Variants in DCLK2 observed in about 807,000 individuals in gnomAD.
DCLK2 encodes the protein doublecortin like kinase 2, also known as serine/threonine-protein kinase DCLK2.
DCLK2 carries 31 observed loss-of-function variants against 78.4 expected under a neutral mutation model. The observed-to-expected ratio is 0.40, with a 90% confidence interval of 0.30 to 0.53. The LOEUF (loss-of-function observed/expected upper bound fraction) is 0.53, where lower values mean the gene tolerates loss of function less well. Among genes scored for constraint, DCLK2 ranks in the 20% least tolerant of loss-of-function variants. The pLI is 0.61. For missense variants in DCLK2, 872 were observed against 973.7 expected (o/e 0.90, Z 1.39); for synonymous variants, 407 against 374.9 (o/e 1.09, Z -0.99).
chr4:150,212,402 A>T (rs1255336177), intron 5 of DCLK2, among the ~76,000 whole-genome samples: 1 of 152,212 alleles, frequency 6.6e-6, no homozygotes, highest in African/African-American at 2.4e-5. Context: ...GTAAATCCAC[A>T]GTAGCTGCTG....
In DCLK2 at chr4:150,111,982, C is replaced by CT. The variant is rs562915515; in HGVS notation, c.756+9176dup. On this transcript the variant is annotated intron_variant, in intron 2 of 15. Coordinates refer to ENST00000296550, the MANE Select transcript of DCLK2 (RefSeq NM_001040260.4). ...TTGGTTCCGTATGAATTTTAGGATT[C>CT]TTTTTTCTAATTCTGTGAAAAAATG... is the stretch of plus-strand genomic sequence containing the variant. Among the ~76,000 whole-genome samples the CT allele has an allele frequency of 6.1e-3, 932 of 152,030 alleles. 4 individuals carry two copies. Among genetic ancestry groups the CT allele is most frequent in the Non-Finnish European group, 9.9e-3 (672 of 67,944 alleles).
intron 12 of DCLK2, among the ~76,000 whole-genome samples, chr4:150,241,650 TAC>T (rs1420266413): frequency 6.6e-6 from 1 of 152,216 alleles, no homozygotes; most frequent in African/African-American, 2.4e-5. Flanking sequence ...AAATATCATA[TAC>T]AGTGTGGCTT....
intron 10 of DCLK2, among the ~76,000 whole-genome samples, chr4:150,236,717 G>C (rs559712448): frequency 6.6e-6 from 1 of 152,300 alleles, no homozygotes; most frequent in South Asian, 2.1e-4. Context: ...CTCTCACTAA[G>C]ATTTGAAATG....
At chr4:150,187,176 T>G (rs1275364951) in intron 2 of DCLK2, among the ~76,000 whole-genome samples, 1 of 152,162 alleles carries the variant, frequency 6.6e-6, no homozygotes, top group African/African-American at 2.4e-5. Context: ...TTATTTATTT[T>G]TGATTTTTGA....
At chr4:150,123,195 C>T (rs937959686) in intron 2 of DCLK2, among the ~76,000 whole-genome samples, 3 of 152,194 alleles carry the variant, frequency 2.0e-5, no homozygotes, top group Non-Finnish European at 4.4e-5. Context: ...TTTGGCCTGT[C>T]TTGGTTTTTG....
intron 1 of DCLK2, 30 bp from the exon 2 acceptor site, chr4:150,102,448 A>C: frequency 6.3e-7 from 1 of 1,596,012 alleles, no homozygotes; most frequent in South Asian, 1.1e-5. Flanking sequence ...AGAGATAATC[A>C]TGCTAATAAA....
At chr4:150,089,445 G>A (rs1580476964) in intron 1 of DCLK2, among the ~76,000 whole-genome samples, 1 of 152,112 alleles carries the variant, frequency 6.6e-6, no homozygotes, top group African/African-American at 2.4e-5. Context: ...GACCCTATAT[G>A]TACTATGCCC....
chr4:150,241,165 G>C (rs997628034), intron 12 of DCLK2, among the ~76,000 whole-genome samples: 1 of 152,102 alleles, frequency 6.6e-6, no homozygotes, highest in East Asian at 1.9e-4. Flanking sequence ...TCATTTTATT[G>C]GTTCATGTGA....
chr4:150,206,924 C>A (rs936850093), intron 5 of DCLK2, among the ~76,000 whole-genome samples: 2 of 152,100 alleles, frequency 1.3e-5, no homozygotes, highest in African/African-American at 4.8e-5. Context: ...ACCAAATACC[C>A]TAATTTTGAT....
At chr4:150,220,381 C>A (rs551643333) in intron 5 of DCLK2, among the ~76,000 whole-genome samples, 1 of 152,240 alleles carries the variant, frequency 6.6e-6, no homozygotes, top group Admixed American at 6.5e-5. Flanking sequence ...TAGTTCTAAG[C>A]CTTATTGTGC....
At chr4:150,180,549 A>G (rs2150280701) in intron 2 of DCLK2, among the ~76,000 whole-genome samples, 2 of 152,282 alleles carry the variant, frequency 1.3e-5, no homozygotes, top group South Asian at 4.1e-4. Flanking sequence ...TAGCTTCTTC[A>G]GAATAAAAGC....
chr4:150,120,764 T>C (rs1034279340), intron 2 of DCLK2, among the ~76,000 whole-genome samples: 1 of 152,108 alleles, frequency 6.6e-6, no homozygotes, highest in Non-Finnish European at 1.5e-5. Flanking sequence ...TGTACCTACG[T>C]TAATTTAAAA....
intron 2 of DCLK2, among the ~76,000 whole-genome samples, chr4:150,157,507 TTG>T (rs1735389669): frequency 6.8e-6 from 1 of 147,308 alleles, no homozygotes; most frequent in African/African-American, 2.5e-5. Flanking sequence ...GTTTGTTTGT[TTG>T]TTTGTTTGTT....
chr4:150,205,503 A>G (rs1739783258), intron 5 of DCLK2, among the ~76,000 whole-genome samples: 1 of 152,208 alleles, frequency 6.6e-6, no homozygotes, highest in Non-Finnish European at 1.5e-5. Context: ...CAAGTTCCTT[A>G]TATTTATCAA....
intron 2 of DCLK2, among the ~76,000 whole-genome samples, chr4:150,153,459 C>T (rs2150232122): frequency 1.3e-5 from 2 of 152,090 alleles, no homozygotes; most frequent in Middle Eastern, 6.8e-3. Flanking sequence ...GTCATCTAGG[C>T]CGGAGTGCAG....
In DCLK2 at chr4:150,248,348, G is replaced by A. The variant is rs1201235162; in HGVS notation, c.1919G>A (p.Cys640Tyr). ...QMLQVNVEAR[C>Y]TAGQILSHPW... is the part of the protein sequence containing the mutation. ...CTTCAGGTAAATGTTGAAGCTCGGTGTACCGCGGGACAAATCCTGAGTCAC... is the reference window on the plus strand; with the variant it reads ...CTTCAGGTAAATGTTGAAGCTCGGTATACCGCGGGACAAATCCTGAGTCAC... The change falls in exon 14 of 16, where the codon TGT becomes TAT. Residue 640 changes from cysteine to tyrosine, a missense_variant. Transcript: ENST00000296550. 2 of 1,613,964 alleles carry A rather than the reference G, an allele frequency of 1.2e-6. No individual in the cohort carries two copies. Among genetic ancestry groups the A allele is most frequent in the Non-Finnish European group, 1.7e-6 (2 of 1,179,996 alleles).
intron 2 of DCLK2, among the ~76,000 whole-genome samples, chr4:150,189,108 GA>G (rs1430777859): frequency 1.3e-4 from 20 of 151,728 alleles, no homozygotes; most frequent in Non-Finnish European, 1.5e-5. Flanking sequence ...AAAATTAACT[GA>G]TTTTTTTCAG....
intron 2 of DCLK2, among the ~76,000 whole-genome samples, chr4:150,127,727 T>A (rs754268874): frequency 6.6e-6 from 1 of 152,226 alleles, no homozygotes; most frequent in African/African-American, 2.4e-5. Flanking sequence ...TGATTTTGAT[T>A]CTTTGCACAC....
intron 2 of DCLK2, among the ~76,000 whole-genome samples, chr4:150,158,370 G>A (rs917770418): frequency 2.6e-5 from 4 of 152,060 alleles, no homozygotes; most frequent in Non-Finnish European, 4.4e-5. Context: ...TAGAGGGTAG[G>A]GCTTCAACAT....
Sources: gnomAD v4.1 joint callset for allele counts (sites outside exome capture counted in the v4.1 genomes callset) on GRCh38, gnomAD v4.1.1 for gene constraint, MANE v1.5 for transcripts, NCBI Gene and HGNC (gene_info 2026-07-23, HGNC 2026-07-21) for gene names.